Variants in IMPG2 observed in about 807,000 individuals in gnomAD.
The protein encoded by IMPG2 is IPM 200.
In IMPG2, 91 loss-of-function variants were observed where a neutral mutation model predicts 129.2. The ratio of observed to expected loss-of-function variants is 0.70; its 90% confidence interval spans 0.59 to 0.84. The LOEUF (loss-of-function observed/expected upper bound fraction) is 0.84, where lower values mean the gene tolerates loss of function less well. IMPG2 is among the 40% of genes least tolerant of loss of function. IMPG2 has a pLI of 0.00. For synonymous variants in IMPG2, 510 were observed against 517.7 expected (o/e 0.99, Z 0.20); for missense variants, 1,430 against 1,461.7 (o/e 0.98, Z 0.35).
At chr3:101,298,401 A>C (rs1707104690) in intron 3 of IMPG2, among the ~76,000 whole-genome samples, 1 of 152,084 alleles carries the variant, frequency 6.6e-6, no homozygotes, top group African/African-American at 2.4e-5. Flanking sequence ...TTTACACTAA[A>C]GGTTAATATT....
intron 1 of IMPG2, 110 bp downstream of exon 1, chr3:101,320,178 A>C (rs1014339203): frequency 1.3e-6 from 1 of 742,162 alleles, no homozygotes; most frequent in African/African-American, 1.8e-5. Context: ...AAGATTAATA[A>C]AGTAGTATTT....
chr3:101,239,585 A>T, intron 14 of IMPG2, among the ~76,000 whole-genome samples: 1 of 152,210 alleles, frequency 6.6e-6, no homozygotes, highest in East Asian at 1.9e-4. Context: ...TACCCAAAGG[A>T]TTATAAATCA....
At chr3:101,268,749 G>C (rs1280893071) in intron 8 of IMPG2, among the ~76,000 whole-genome samples, 2 of 152,088 alleles carry the variant, frequency 1.3e-5, no homozygotes, top group African/African-American at 4.8e-5. Flanking sequence ...ACTTGGGCTA[G>C]AGCATCACCT....
intron 14 of IMPG2, among the ~76,000 whole-genome samples, chr3:101,239,798 T>A (rs1474839998): frequency 1.3e-5 from 2 of 152,208 alleles, no homozygotes; most frequent in East Asian, 3.8e-4. Context: ...AAACCATTAT[T>A]CTCAGCGAAC....
chr3:101,272,724 G>A (rs997213081), intron 7 of IMPG2, among the ~76,000 whole-genome samples: 3 of 152,084 alleles, frequency 2.0e-5, no homozygotes, highest in Middle Eastern at 3.2e-3. Context: ...CACATCTGAT[G>A]GCTACAATAA....
At chr3:101,247,096 T>C (rs1706487598) in intron 11 of IMPG2, among the ~76,000 whole-genome samples, 1 of 140,502 alleles carries the variant, frequency 7.1e-6, no homozygotes, top group South Asian at 2.3e-4. Flanking sequence ...ACATTGTCTC[T>C]TAAAAAAAAA....
chr3:101,242,718 T>C lies in IMPG2; in HGVS notation c.2992A>G (p.Ile998Val). 6.2e-7 allele frequency: 1 copy of C among 1,613,734 alleles called. No individual in the cohort carries two copies. Among genetic ancestry groups the C allele is most frequent in the East Asian group, 2.2e-5 (1 of 44,876 alleles). The part of the protein sequence containing the change: ...TTAYNTMNLA[I>V]DKYSLDVESG... ...TCCACATCAAGAGAGTATTTATCAA[T>C]AGCCAAGTTCATGGTATTGTAGGCA... Residue 998 changes from isoleucine to valine, a missense_variant, in exon 14 of 19, where the codon ATT becomes GTT. By Grantham distance (29) the Ile-to-Val change is conservative (BLOSUM62 3). Coordinates refer to ENST00000193391, the MANE Select transcript of IMPG2 (RefSeq NM_016247.4).
In IMPG2 at chr3:101,235,090, C is replaced by T. The variant is rs111591763; in HGVS notation, c.3023-2099G>A. 2.3e-3 allele frequency among the ~76,000 whole-genome samples: 346 copies of T among 152,148 alleles called. 1 individual carries two copies. The highest frequency in any genetic ancestry group is 7.8e-3 in the African/African-American group (323 of 41,508). On this transcript the variant is annotated intron_variant, in intron 14 of 18. Coordinates refer to ENST00000193391, the MANE Select transcript of IMPG2 (RefSeq NM_016247.4). ...ATACAACATTTTAAATAATTTTGTG[C>T]GTAAGACAAAGTTTGTGTATATTGA...
In IMPG2 at chr3:101,319,600, C is replaced by T. The variant is rs1296865222; in HGVS notation, c.318G>A (p.Lys106=). 3.1e-6 allele frequency: 5 copies of T among 1,613,440 alleles called. No individual in the cohort carries two copies. Among genetic ancestry groups the T allele is most frequent in the Non-Finnish European group, 4.2e-6 (5 of 1,179,730 alleles). ...SVAEAVANHV[K]YFKVRVCQEA... is the part of the protein sequence containing the mutation. ...TTCGCTTACCTCGGACTTTAAAATA[C>T]TTCACATGATTTGCCACAGCCTCTG... The change falls in exon 2 of 19, where the codon AAG becomes AAA. Residue 106 remains lysine, a synonymous_variant. Coordinates refer to ENST00000193391, the MANE Select transcript of IMPG2 (RefSeq NM_016247.4).
At chr3:101,273,446 A>G (rs1706808451) in intron 7 of IMPG2, 135 bp downstream of exon 7, 1 of 836,574 alleles carries the variant, frequency 1.2e-6, no homozygotes, top group Non-Finnish European at 1.9e-6. Context: ...TTCTGAAGAA[A>G]TGGCTAAGTA....
chr3:101,229,070 GT>G (rs1324024627), intron 17 of IMPG2, among the ~76,000 whole-genome samples, 194 bp from the exon 18 acceptor site: 1 of 150,590 alleles, frequency 6.6e-6, no homozygotes. Context: ...GATATTACAT[GT>G]CCTGCTCTAA....
chr3:101,229,815 T>C (rs1051949224), intron 16 of IMPG2, among the ~76,000 whole-genome samples: 2 of 152,262 alleles, frequency 1.3e-5, no homozygotes, highest in Middle Eastern at 3.2e-3. Context: ...ACTTGTTCCA[T>C]GTCTCATTCA....
At chr3:101,253,641 G>T in intron 11 of IMPG2, 55 bp downstream of exon 11, 1 of 1,192,030 alleles carries the variant, frequency 8.4e-7, no homozygotes, top group Non-Finnish European at 1.2e-6. Context: ...GCAGGTGCAG[G>T]AAGAAAGAAG....
rs113384204 is a variant in IMPG2, at chr3:101,253,711, C to T, written c.1224G>A (p.Thr408=). 15 of 1,610,714 alleles carry T rather than the reference C, an allele frequency of 9.3e-6. No individual in the cohort carries two copies. The African/African-American group carries it at 1.2e-4, about 13-fold the overall frequency. ...WNTQSSSLQA[T]PSSILDNTFQ... ...AAAAACATACCAGAATAGATGACGG[C>T]GTTGCCTGAAGACTTGAACTTTGGG... is the stretch of plus-strand genomic sequence containing the variant. The change falls in exon 11 of 19, where the codon ACG becomes ACA. Residue 408 remains threonine (T), a synonymous_variant. Transcript: ENST00000193391.
intron 10 of IMPG2, among the ~76,000 whole-genome samples, chr3:101,256,217 G>GAAAGAACGAACGAAC (rs1553682324): frequency 2.2e-5 from 3 of 138,170 alleles, no homozygotes; most frequent in African/African-American, 8.2e-5. Context: ...AAGAAAGAAA[G>GAAAGAACGAACGAAC]AAAAAAATAT....
rs1706754292 is a variant in IMPG2 at position 101,269,406 on chromosome 3, C to T, written c.887+109G>A. The T allele has an allele frequency of 4.3e-6, 3 of 704,852 alleles. No individual in the cohort carries two copies. The South Asian group carries it at 5.0e-5, about 12-fold the overall frequency. The allele number at this position is 704,852 out of a possible 1,614,324, so 43.7% of individuals were successfully genotyped here. Reference sequence around the variant, plus strand: ...ATTTACCAGAAATAGCATTGAGTTACAGCATTCAAACCATTTATTGTTAGA... The same window carrying T: ...ATTTACCAGAAATAGCATTGAGTTATAGCATTCAAACCATTTATTGTTAGA... On this transcript the variant is annotated intron_variant, in intron 8 of 18. Coordinates refer to ENST00000193391, the MANE Select transcript of IMPG2 (RefSeq NM_016247.4).
chr3:101,246,014 G>A lies in IMPG2; in HGVS notation c.1331C>T (p.Ala444Val). ...PLDFSSGPPS[A>V]TGRELWSESP... ...TTCTGACCAGAGTTCCCTGCCAGTG[G>A]CTGAGGGAGGACCAGAGCTGAAATC... is the stretch of plus-strand genomic sequence containing the variant. The change falls in exon 12 of 19, where the codon GCC becomes GTC. Residue 444 changes from alanine to valine, a missense_variant. Ala to Val is a moderately conservative substitution (Grantham distance 64, BLOSUM62 0). Coordinates refer to ENST00000193391, the MANE Select transcript of IMPG2 (RefSeq NM_016247.4). 6.2e-7 allele frequency: 1 copy of A among 1,614,138 alleles called. No homozygotes were observed. The highest frequency in any genetic ancestry group is 1.7e-5 in the Admixed American group (1 of 60,024).
At chr3:101,304,053 G>T in intron 3 of IMPG2, 93 bp downstream of exon 3, 2 of 1,304,878 alleles carry the variant, frequency 1.5e-6, no homozygotes, top group South Asian at 1.2e-5. Flanking sequence ...AGTAATACAG[G>T]CATTTGCCAC....
intron 4 of IMPG2, among the ~76,000 whole-genome samples, chr3:101,285,398 T>G (rs979783863): frequency 6.6e-6 from 1 of 152,240 alleles, no homozygotes; most frequent in Non-Finnish European, 1.5e-5. Context: ...GACTTCCTGC[T>G]CTTCTAGGAA....
Sources: allele counts gnomAD v4.1 joint callset (sites outside exome capture counted in the v4.1 genomes callset), GRCh38; gene constraint gnomAD v4.1.1; transcripts MANE v1.5; gene names NCBI Gene and HGNC (gene_info 2026-07-23, HGNC 2026-07-21).